CTNND2: variants seen among roughly 807,000 people sequenced by gnomAD.
The protein encoded by CTNND2 is catenin delta 2.
In CTNND2, 22 loss-of-function variants were observed where a neutral mutation model predicts 144.4. The ratio of observed to expected loss-of-function variants is 0.15; its 90% CI spans 0.11 to 0.22. CTNND2 has a LOEUF of 0.22. Among genes scored for constraint, CTNND2 ranks in the 10% least tolerant of loss-of-function variants. CTNND2 has a pLI of 1.00. For missense variants in CTNND2, 1,353 were observed against 1,618.8 expected (o/e 0.84, Z 2.82); for synonymous variants, 751 against 695.6 (o/e 1.08, Z -1.25).
At chr5:11,052,883 T>A (rs1468643615) in intron 16 of CTNND2, among the ~76,000 whole-genome samples, 1 of 152,158 alleles carries the variant, frequency 6.6e-6, no homozygotes, top group Non-Finnish European at 1.5e-5. Flanking sequence ...GTTTGTATAT[T>A]TTCATTAGTG....
At chr5:11,037,846 A>T (rs1239049136) in intron 16 of CTNND2, among the ~76,000 whole-genome samples, 1 of 152,230 alleles carries the variant, frequency 6.6e-6, no homozygotes, top group Non-Finnish European at 1.5e-5. Context: ...GCTAATAACT[A>T]TAATAGTCCT....
chr5:11,008,368 G>A (rs919450473), intron 18 of CTNND2, among the ~76,000 whole-genome samples: 8 of 152,094 alleles, frequency 5.3e-5, no homozygotes, highest in African/African-American at 1.4e-4. Context: ...GAGATTTGGG[G>A]GGTCACAGAG....
intron 1 of CTNND2, among the ~76,000 whole-genome samples, chr5:11,859,800 A>C (rs1370321438): frequency 6.6e-6 from 1 of 152,150 alleles, no homozygotes. Context: ...TAATGGGGTG[A>C]AATCAGAGTC....
chr5:11,160,972 T>C (rs971992099), intron 11 of CTNND2, among the ~76,000 whole-genome samples: 10 of 152,198 alleles, frequency 6.6e-5, no homozygotes, highest in Non-Finnish European at 1.3e-4. Flanking sequence ...AAAATGTGAC[T>C]ACAGAGGCAA....
chr5:11,805,248 TACAG>T (rs1561812361), intron 1 of CTNND2, among the ~76,000 whole-genome samples: 1 of 152,136 alleles, frequency 6.6e-6, no homozygotes, highest in African/African-American at 2.4e-5. Flanking sequence ...TATAGCTTTG[TACAG>T]ATACAGATGG....
At chr5:11,288,543 G>A (rs1747985851) in intron 9 of CTNND2, among the ~76,000 whole-genome samples, 1 of 152,074 alleles carries the variant, frequency 6.6e-6, no homozygotes, top group African/African-American at 2.4e-5. Context: ...GGGCTTGCTT[G>A]TCCACAGATC....
rs182390523 is a variant in CTNND2, at chr5:11,524,524, C to A, written c.287+40420G>T. 2.0e-5 allele frequency among the ~76,000 whole-genome samples: 3 copies of A among 152,252 alleles called. No individual in the cohort carries two copies. The East Asian group carries it at 5.8e-4, about 29-fold the overall frequency. On this transcript the variant is annotated intron_variant, in intron 3 of 21. Coordinates refer to ENST00000304623, the MANE Select transcript of CTNND2 (RefSeq NM_001332.4). ...CTGAGTGAGGACGCTCCTGGTGACACAGGGAACCCTGCATTAACACAGTTT... is the reference window on the plus strand; with the variant it reads ...CTGAGTGAGGACGCTCCTGGTGACAAAGGGAACCCTGCATTAACACAGTTT...
chr5:11,266,227 T>C (rs1745426676), intron 9 of CTNND2, among the ~76,000 whole-genome samples: 1 of 152,232 alleles, frequency 6.6e-6, no homozygotes, highest in South Asian at 2.1e-4. Flanking sequence ...TGGGCTTTGT[T>C]TGAATTCTAA....
In CTNND2 at chr5:11,110,984, C is replaced by A; in HGVS notation, c.2337G>T (p.Thr779=). The A allele has an allele frequency of 6.2e-7, 1 of 1,614,138 alleles. No homozygotes were observed. Among genetic ancestry groups the A allele is most frequent in the Non-Finnish European group, 8.5e-7 (1 of 1,180,024 alleles). Residue 779 remains threonine (T), a synonymous_variant, in exon 14 of 22, where the codon ACG becomes ACT. Transcript: ENST00000304623. ...RNLSYRLAAE[T]SQGQHMGTDE... is the part of the protein sequence containing the mutation. ...CCGTGCCCATGTGCTGTCCCTGAGA[C>A]GTTTCTGCCGCCAGCCGGTACGAGA...
At chr5:11,584,431 G>GT (rs1561589102) in intron 2 of CTNND2, among the ~76,000 whole-genome samples, 1 of 145,842 alleles carries the variant, frequency 6.9e-6, no homozygotes. Flanking sequence ...TTTTTGGGGG[G>GT]GGGGAGGAGG....
chr5:11,253,913 A>G (rs1743931250), intron 9 of CTNND2, among the ~76,000 whole-genome samples: 1 of 152,204 alleles, frequency 6.6e-6, no homozygotes, highest in African/African-American at 2.4e-5. Flanking sequence ...CAAAACACCT[A>G]TCTTTCTGTA....
At chr5:11,308,828 A>G (rs115937240) in intron 9 of CTNND2, among the ~76,000 whole-genome samples, 176 of 152,294 alleles carry the variant, frequency 1.2e-3, no homozygotes, top group African/African-American at 4.1e-3. Context: ...GGTAATTTAT[A>G]AAAAAGAGGT....
intron 16 of CTNND2, among the ~76,000 whole-genome samples, chr5:11,033,022 A>G (rs1743651527): frequency 6.6e-6 from 1 of 152,254 alleles, no homozygotes; most frequent in Non-Finnish European, 1.5e-5. Flanking sequence ...TTATAGTTAC[A>G]TAAGATATAG....
intron 12 of CTNND2, among the ~76,000 whole-genome samples, chr5:11,119,173 C>G (rs1753838579): frequency 6.6e-6 from 1 of 151,986 alleles, no homozygotes; most frequent in Admixed American, 6.6e-5. Flanking sequence ...GGCCTGTTGT[C>G]AAATATGAAT....
rs1303299604 is a variant in CTNND2, at chr5:11,174,665, G to A, written c.1976-14906C>T. ...AGGACAAATAAAAATGCGTTAGCCA[G>A]TTGATCATTATGGCACGTATTCAGT... On this transcript the variant is annotated intron_variant, in intron 11 of 21. Transcript: ENST00000304623. Among the ~76,000 whole-genome samples, 4 of 152,310 alleles carry A rather than the reference G, an allele frequency of 2.6e-5. No homozygotes were observed. The East Asian group carries it at 5.8e-4, about 22-fold the overall frequency.
chr5:11,816,389 G>A (rs938916719), intron 1 of CTNND2, among the ~76,000 whole-genome samples: 2 of 151,890 alleles, frequency 1.3e-5, no homozygotes, highest in Admixed American at 6.6e-5. Flanking sequence ...TCTTCTGTGT[G>A]CAGCAACAGT....
chr5:11,127,001 G>A (rs1030830233), intron 12 of CTNND2, among the ~76,000 whole-genome samples: 1 of 152,256 alleles, frequency 6.6e-6, no homozygotes, highest in Admixed American at 6.5e-5. Flanking sequence ...TAAGTTCCAG[G>A]TGAACAGCCT....
intron 1 of CTNND2, among the ~76,000 whole-genome samples, chr5:11,846,622 TGAACAGCAAAG>T: frequency 6.6e-6 from 1 of 152,170 alleles, no homozygotes; most frequent in Middle Eastern, 3.4e-3. Context: ...CAAAAGCTTC[TGAACAGCAAAG>T]TAAACAATAA....
Position 11,903,247 on chromosome 5 carries a change from C to T in CTNND2, c.37+570G>A. On this transcript the variant is annotated intron_variant, in intron 1 of 21. Coordinates refer to ENST00000304623, the MANE Select transcript of CTNND2 (RefSeq NM_001332.4). The surrounding 1 kb of genome is among the most constrained non-coding windows in gnomAD (Gnocchi z 5.4). ...CAGAAGCCCCCGAAACCTGTGAAGC[C>T]GGCTGCAAAGGCTTGCTGGGAAGCC... is the stretch of plus-strand genomic sequence containing the variant. 2 of 985,448 alleles carry T rather than the reference C, an allele frequency of 2.0e-6. No homozygotes were observed. The highest frequency in any genetic ancestry group is 4.7e-5 in the South Asian group (1 of 21,292). 61.0% of individuals were successfully genotyped at this position (985,448 alleles called of 1,614,324 possible). A position where few individuals can be genotyped will look rare whatever the true frequency, so the allele number is the denominator to read the frequency against.
Sources: allele counts gnomAD v4.1 joint callset (sites outside exome capture counted in the v4.1 genomes callset), GRCh38; gene constraint gnomAD v4.1.1; non-coding constraint Gnocchi (gnomAD v3.1); transcripts MANE v1.5; gene names NCBI Gene and HGNC (gene_info 2026-07-23, HGNC 2026-07-21).